The following TMEM230 variants were observed in gnomAD, a reference collection of about 807,000 sequenced individuals.
TMEM230 encodes UPF0414 transmembrane protein C20orf30.
TMEM230 carries 10 observed loss-of-function variants against 15.8 expected under a neutral mutation model. The observed-to-expected ratio is 0.63, with a 90% CI of 0.39 to 1.07. The LOEUF is 1.07. Ranked by LOEUF, TMEM230 falls within the 50% of genes least tolerant of loss-of-function variation. TMEM230 has a pLI of 0.01. For missense variants in TMEM230, 165 were observed against 193.3 expected, an observed-to-expected ratio of 0.85 and a Z score of 0.87; for synonymous variants, 67 against 76.9, an observed-to-expected ratio of 0.87 and a Z score of 0.68.
downstream of TMEM230, among the ~76,000 whole-genome samples, chr20:5,096,922 T>C (rs2089680829): frequency 6.6e-6 from 1 of 152,152 alleles, no homozygotes; most frequent in Non-Finnish European, 1.5e-5. Flanking sequence ...AAAATTAGCA[T>C]GCTGGATATA....
At chr20:5,090,059 A>C (rs2122650359) in intron 3 of TMEM230, among the ~76,000 whole-genome samples, 1 of 152,244 alleles carries the variant, frequency 6.6e-6, no homozygotes, top group South Asian at 2.1e-4. Context: ...GAAAGAAAAA[A>C]ACTGAGGAAA....
chr20:5,096,123 G>A (rs1211937689), downstream of TMEM230, among the ~76,000 whole-genome samples: 2 of 152,202 alleles, frequency 1.3e-5, no homozygotes, highest in Admixed American at 6.5e-5. Flanking sequence ...CGCTCCTGCC[G>A]CTGGCTCTGG....
At chr20:5,059,619 T>C in the TMEM230 span, among the ~76,000 whole-genome samples, 1 of 151,456 alleles carries the variant, frequency 6.6e-6, no homozygotes, top group Non-Finnish European at 1.5e-5. Context: ...CTTTATTTTA[T>C]TTTTGTTTTT....
intron 3 of TMEM230, among the ~76,000 whole-genome samples, chr20:5,086,538 C>CAAAAAAAAAAAAA (rs542162305): frequency 1.1e-5 from 1 of 89,042 alleles, no homozygotes; most frequent in Non-Finnish European, 2.2e-5. Context: ...GACTCTGTCT[C>CAAAAAAAAAAAAA]AAAAAAAAAA....
chr20:5,106,416 G>A lies in TMEM230; in HGVS notation c.289-106C>T, dbSNP rs1160284972. ...GTAATTTTTATGTTTTTGTTTGTTT[G>A]TTTTGAGATGGAGTTTCGTTCTTGT... On this transcript the variant is annotated intron_variant, in intron 3 of 4. Transcript: ENST00000342308. 9 of 1,360,304 alleles carry A rather than the reference G, an allele frequency of 6.6e-6. No individual in the cohort carries two copies. The African/African-American group carries it at 1.2e-4, about 18-fold the overall frequency. The allele number at this position is 1,360,304 out of a possible 1,614,324, so 84.3% of individuals were successfully genotyped here.
the TMEM230 span, among the ~76,000 whole-genome samples, chr20:5,062,429 C>T: frequency 1.3e-5 from 2 of 151,298 alleles, no homozygotes; most frequent in African/African-American, 4.9e-5. Context: ...CCTGGATGCC[C>T]ATGGTAAAGA....
chr20:5,063,422 G>T (rs1315216332), downstream of TMEM230, among the ~76,000 whole-genome samples: 1 of 151,336 alleles, frequency 6.6e-6, no homozygotes, highest in African/African-American at 2.4e-5. Context: ...TGAGTAGCTG[G>T]GATTACAGGG....
rs549175249 is a variant in TMEM230, at chr20:5,087,501, A to T, written c.223-18152T>A. ...GAGTAAGGAAGGAGTAAGAGGACAT[A>T]TTTTTTTTTTTGAGACAGAGTCTCA... On this transcript the variant is annotated intron_variant, in intron 3 of 3. Coordinates refer to the TMEM230 transcript ENST00000612323. 9.8e-4 allele frequency among the ~76,000 whole-genome samples: 142 copies of T among 145,266 alleles called. 1 individual carries two copies. The highest frequency in any genetic ancestry group is 4.0e-3 in the South Asian group (18 of 4,514).
chr20:5,064,442 G>A (rs2088632907), downstream of TMEM230, among the ~76,000 whole-genome samples: 2 of 150,890 alleles, frequency 1.3e-5, no homozygotes, highest in South Asian at 4.2e-4. Context: ...TGGGTGTGGT[G>A]GGGCGTGGGT....
In TMEM230 at chr20:5,100,417, G is replaced by T. The variant is rs2089807898; in HGVS notation, c.*374C>A. 3 of 997,060 alleles carry T rather than the reference G, an allele frequency of 3.0e-6. No homozygotes were observed. Among genetic ancestry groups the T allele is most frequent in the Admixed American group, 5.8e-5 (1 of 17,346 alleles). 61.8% of individuals were successfully genotyped at this position (997,060 alleles called of 1,614,324 possible). On this transcript the variant is annotated 3_prime_UTR_variant, in exon 5 of 5. Coordinates refer to ENST00000342308, the MANE Select transcript of TMEM230 (RefSeq NM_001009923.2). ...TTTAAAATAAATTACTTAATAATAA[G>T]AAATTAGCCATACCACATTGTTCCA...
At chr20:5,061,258 G>A in the TMEM230 span, 3 of 152,182 alleles carry the variant, frequency 2.0e-5, no homozygotes, top group Non-Finnish European at 4.4e-5. Flanking sequence ...TTCTCTGCCT[G>A]TGGCAGACAT....
rs1293845696 is a variant in TMEM230, at chr20:5,100,759, ACTGT to A, written c.*28_*31del. The A allele has an allele frequency of 1.9e-6, 3 of 1,611,282 alleles. No individual in the cohort carries two copies. In the South Asian group the frequency reaches 3.3e-5, roughly 18 times the overall value. On this transcript the variant is annotated 3_prime_UTR_variant, in exon 5 of 5. Transcript: ENST00000342308. ...GATATCTTAAAGCTGGGACAGTTCC[ACTGT>A]GACTCCTCCTCAGCTATGGGGTGGG...
chr20:5,097,377 G>A (rs1278985494), downstream of TMEM230, among the ~76,000 whole-genome samples: 1 of 152,202 alleles, frequency 6.6e-6, no homozygotes, highest in Non-Finnish European at 1.5e-5. Context: ...TTTAGCCTTG[G>A]AAATGACTAA....
At chr20:5,110,413 T>C (rs2090265974) in intron 2 of TMEM230, among the ~76,000 whole-genome samples, 4 of 151,946 alleles carry the variant, frequency 2.6e-5, no homozygotes, top group Admixed American at 2.6e-4. Context: ...GCCTCCTGAG[T>C]AGCTGGGATT....
In TMEM230 at chr20:5,111,607, TAAAAAAAAAAA is replaced by T. The variant is rs758119588; in HGVS notation, c.69-13_69-3del. ...CTGGGCGACAGAACTAGACTCCATC[TAAAAAAAAAAA>T]AAAAAAAAAAAAAAAAAAAAAAAAA... On this transcript the variant is annotated splice_region_variant and splice_polypyrimidine_tract_variant and intron_variant, in intron 1 of 4. Transcript: ENST00000342308. 240 of 58,896 alleles carry T rather than the reference TAAAAAAAAAAA, an allele frequency of 4.1e-3. No homozygotes were observed. Among genetic ancestry groups the T allele is most frequent in the South Asian group, 5.4e-3 (5 of 934 alleles). 3.6% of individuals were successfully genotyped at this position (58,896 alleles called of 1,614,324 possible).
chr20:5,073,781 T>C (rs2088902853), intron 3 of TMEM230, among the ~76,000 whole-genome samples: 1 of 152,240 alleles, frequency 6.6e-6, no homozygotes, highest in Admixed American at 6.5e-5. Context: ...TATTTTGAGC[T>C]GAAGCCAATT....
intron 3 of TMEM230, among the ~76,000 whole-genome samples, chr20:5,085,922 T>C (rs2089322355): frequency 6.6e-6 from 1 of 152,162 alleles, no homozygotes; most frequent in Non-Finnish European, 1.5e-5. Flanking sequence ...TGTCAGGCCA[T>C]ACCTGCCGTG....
intron 3 of TMEM230, among the ~76,000 whole-genome samples, chr20:5,094,290 G>A (rs988207183): frequency 6.6e-6 from 1 of 151,942 alleles, no homozygotes; most frequent in Admixed American, 6.6e-5. Context: ...CTGTTGCCCA[G>A]GCTGGAGTCC....
intron 3 of TMEM230, among the ~76,000 whole-genome samples, chr20:5,107,725 G>C (rs1336483182): frequency 6.6e-6 from 1 of 150,444 alleles, no homozygotes; most frequent in Admixed American, 6.6e-5. Context: ...GAGGTGAAAA[G>C]ACTACTTGAG....
Sources: gnomAD v4.1 joint callset for allele counts (sites outside exome capture counted in the v4.1 genomes callset) on GRCh38, gnomAD v4.1.1 for gene constraint, MANE v1.5 for transcripts, NCBI Gene and HGNC (gene_info 2026-07-23, HGNC 2026-07-21) for gene names.